CCSER1: variants seen among roughly 807,000 people sequenced by gnomAD.
The protein encoded by CCSER1 is coiled-coil serine rich protein 1.
A neutral mutation model predicts 82.0 loss-of-function variants in CCSER1; 41 were observed. That is an observed-to-expected ratio of 0.50 (90% confidence interval 0.39 to 0.65). The LOEUF is 0.65. CCSER1 is among the 30% of genes least tolerant of loss of function. The pLI, the probability that CCSER1 is intolerant of heterozygous loss-of-function variation, is 0.00. For synonymous variants in CCSER1, 414 were observed against 383.9 expected, an observed-to-expected ratio of 1.08 and a Z score of -0.92; for missense variants, 1,119 against 1,064.2, an observed-to-expected ratio of 1.05 and a Z score of -0.72.
intron 10 of CCSER1, among the ~76,000 whole-genome samples, chr4:91,245,506 T>G (rs565230360): frequency 3.3e-5 from 5 of 151,970 alleles, no homozygotes; most frequent in Non-Finnish European, 7.4e-5. Context: ...TTAAAATTGC[T>G]GAAGGAAAAA....
chr4:91,599,924 T>C lies in CCSER1; in HGVS notation c.*867T>C, dbSNP rs189627589. The C allele has an allele frequency of 1.3e-5, 2 of 152,184 alleles. No homozygotes were observed. Among genetic ancestry groups the C allele is most frequent in the African/African-American group, 2.4e-5 (1 of 41,462 alleles). The allele number at this position is 152,184 out of a possible 1,614,324, so 9.4% of individuals were successfully genotyped here. Reference sequence around the variant, plus strand: ...TCAAAATTTCAAGGATGAAACATCCTAAGAAAATTATTCTTTTTCTTTACT... The same window carrying C: ...TCAAAATTTCAAGGATGAAACATCCCAAGAAAATTATTCTTTTTCTTTACT... On this transcript the variant is annotated 3_prime_UTR_variant, in exon 11 of 11. Coordinates refer to ENST00000509176, the MANE Select transcript of CCSER1 (RefSeq NM_001145065.2).
chr4:91,443,497 G>A (rs1286267620), intron 10 of CCSER1, among the ~76,000 whole-genome samples: 1 of 124,660 alleles, frequency 8.0e-6, no homozygotes, highest in East Asian at 2.6e-4. Context: ...ACACTCTGGG[G>A]ACTGTTGTGG....
intron 9 of CCSER1, among the ~76,000 whole-genome samples, chr4:91,069,791 T>C (rs1221002539): frequency 1.3e-5 from 2 of 152,160 alleles, no homozygotes; most frequent in Non-Finnish European, 2.9e-5. Context: ...CCCTATGACC[T>C]TGGGAAGGTT....
intron 10 of CCSER1, among the ~76,000 whole-genome samples, chr4:91,246,136 C>A (rs200651300): frequency 7.9e-5 from 12 of 152,066 alleles, no homozygotes; most frequent in Non-Finnish European, 1.6e-4. Flanking sequence ...AATAATAAAT[C>A]AAAAATAACC....
intron 10 of CCSER1, among the ~76,000 whole-genome samples, chr4:91,254,730 A>G (rs1446105998): frequency 1.3e-5 from 2 of 151,956 alleles, no homozygotes; most frequent in Non-Finnish European, 2.9e-5. Context: ...ATTTTTTTTA[A>G]TTTTGGGGGA....
At chr4:91,113,523 C>T (rs1424270379) in intron 10 of CCSER1, among the ~76,000 whole-genome samples, 2 of 152,204 alleles carry the variant, frequency 1.3e-5, no homozygotes, top group Non-Finnish European at 2.9e-5. Context: ...CCATCAAGCC[C>T]GTGGTTTTCC....
chr4:90,219,680 A>C (rs1741762370), intron 1 of CCSER1, among the ~76,000 whole-genome samples: 1 of 152,176 alleles, frequency 6.6e-6, no homozygotes, highest in Non-Finnish European at 1.5e-5. Flanking sequence ...TGTATTGGGC[A>C]TATGGACTAT....
At chr4:90,296,046 A>C in intron 1 of CCSER1, among the ~76,000 whole-genome samples, 1 of 152,218 alleles carries the variant, frequency 6.6e-6, no homozygotes, top group African/African-American at 2.4e-5. Flanking sequence ...ATATATTTTA[A>C]GATGTGTGCT....
At position 90,308,410 on chromosome 4, in the gene CCSER1, C is replaced by T; in HGVS notation, c.126C>T (p.His42=). Residue 42 remains histidine, a synonymous_variant, in exon 2 of 11, where the codon CAC becomes CAT. Transcript: ENST00000509176. ...SPSSSNTVGV[H]SSSPSSTNSS... ...CTTCCAGTAATACAGTTGGTGTCCA[C>T]AGTTCCTCTCCTTCCAGCACTAACT... 6.2e-7 allele frequency: 1 copy of T among 1,613,804 alleles called. No homozygotes were observed. The highest frequency in any genetic ancestry group is 8.5e-7 in the Non-Finnish European group (1 of 1,179,816).
intron 4 of CCSER1, among the ~76,000 whole-genome samples, chr4:90,439,153 C>A (rs760993186): frequency 1.3e-5 from 2 of 151,856 alleles, no homozygotes; most frequent in Non-Finnish European, 2.9e-5. Context: ...ATTAGTCAGT[C>A]GTGGGCACCT....
intron 6 of CCSER1, among the ~76,000 whole-genome samples, chr4:90,656,295 A>G (rs1729687101): frequency 6.6e-6 from 1 of 151,730 alleles, no homozygotes; most frequent in Non-Finnish European, 1.5e-5. Context: ...GAATTTTTCT[A>G]TTTATCTATT....
intron 10 of CCSER1, among the ~76,000 whole-genome samples, chr4:91,597,322 T>C (rs1312804799): frequency 3.9e-5 from 6 of 152,156 alleles, no homozygotes; most frequent in African/African-American, 1.4e-4. Flanking sequence ...TATTATGTAT[T>C]ATCTCAAACT....
intron 8 of CCSER1, among the ~76,000 whole-genome samples, chr4:90,901,233 T>C (rs577577238): frequency 6.6e-6 from 1 of 152,082 alleles, no homozygotes; most frequent in Non-Finnish European, 1.5e-5. Context: ...GTCTCTCTTT[T>C]TTTTTAATCC....
At chr4:91,465,610 A>G (rs556077451) in intron 10 of CCSER1, among the ~76,000 whole-genome samples, 18 of 152,326 alleles carry the variant, frequency 1.2e-4, no homozygotes, top group African/African-American at 4.3e-4. Flanking sequence ...TGCTAGCAAG[A>G]CTAGTAAAGG....
intron 10 of CCSER1, among the ~76,000 whole-genome samples, chr4:91,382,853 C>T (rs1200771217): frequency 1.3e-5 from 2 of 152,026 alleles, no homozygotes; most frequent in Non-Finnish European, 2.9e-5. Context: ...TGGAATTGCT[C>T]CCTTGTCTTA....
intron 9 of CCSER1, among the ~76,000 whole-genome samples, chr4:90,932,669 A>T (rs960327270): frequency 3.3e-5 from 5 of 151,162 alleles, no homozygotes; most frequent in African/African-American, 1.2e-4. Flanking sequence ...CTCTACTAAA[A>T]TTATAAAAAT....
chr4:90,393,511 T>C lies in CCSER1; in HGVS notation c.1510-6525T>C, dbSNP rs924301421. On this transcript the variant is annotated intron_variant, in intron 3 of 10. Transcript: ENST00000509176. Reference sequence around the variant, plus strand: ...TCTCCATTTTTAGACCTCACAATGATTACAGCAGTTATACTATGTCAAGTA... The same window carrying C: ...TCTCCATTTTTAGACCTCACAATGACTACAGCAGTTATACTATGTCAAGTA... 3.3e-5 allele frequency among the ~76,000 whole-genome samples: 5 copies of C among 152,078 alleles called. No individual in the cohort carries two copies. In the South Asian group the frequency reaches 1.0e-3, roughly 31 times the overall value.
intron 1 of CCSER1, among the ~76,000 whole-genome samples, chr4:90,141,414 G>A (rs1724765831): frequency 6.6e-6 from 1 of 152,160 alleles, no homozygotes; most frequent in Non-Finnish European, 1.5e-5. Context: ...AGGGATGAAA[G>A]GTAATATGTT....
At chr4:91,334,177 C>T (rs990680752) in intron 10 of CCSER1, among the ~76,000 whole-genome samples, 36 of 152,134 alleles carry the variant, frequency 2.4e-4, no homozygotes, top group East Asian at 1.4e-3. Flanking sequence ...GTGATAATAG[C>T]GACAAAATCA....
Sources: allele counts gnomAD v4.1 joint callset (sites outside exome capture counted in the v4.1 genomes callset), GRCh38; gene constraint gnomAD v4.1.1; transcripts MANE v1.5; gene names NCBI Gene and HGNC (gene_info 2026-07-23, HGNC 2026-07-21).